Variants in SLC41A2 observed in about 807,000 individuals in gnomAD.
SLC41A2 encodes solute carrier family 41 member 2.
A neutral mutation model predicts 58.3 loss-of-function variants in SLC41A2; 32 were observed. The ratio of observed to expected loss-of-function variants is 0.55; its 90% CI spans 0.41 to 0.74. The LOEUF (loss-of-function observed/expected upper bound fraction) is 0.74. Ranked by LOEUF, SLC41A2 falls within the 30% of genes least tolerant of loss-of-function variation. The pLI is 0.00. For synonymous variants in SLC41A2, 190 were observed against 235.0 expected (o/e 0.81, Z 1.75); for missense variants, 514 against 680.6 (o/e 0.76, Z 2.72).
At chr12:104,832,235 C>A (rs961703933) in intron 10 of SLC41A2, among the ~76,000 whole-genome samples, 3 of 152,202 alleles carry the variant, frequency 2.0e-5, no homozygotes, top group Non-Finnish European at 2.9e-5. Flanking sequence ...GTCACACTCT[C>A]CTTTCCATTC....
At chr12:104,857,676 TA>T (rs2043066908) in intron 8 of SLC41A2, among the ~76,000 whole-genome samples, 1 of 151,568 alleles carries the variant, frequency 6.6e-6, no homozygotes. Context: ...TATGCAGCCA[TA>T]AAAAAGGATG....
intron 6 of SLC41A2, among the ~76,000 whole-genome samples, chr12:104,870,499 A>G (rs1317694355): frequency 6.6e-6 from 1 of 152,258 alleles, no homozygotes. Context: ...ATGGCAATAG[A>G]TAACTAATAC....
intron 8 of SLC41A2, among the ~76,000 whole-genome samples, chr12:104,855,339 C>T (rs2042980806): frequency 6.6e-6 from 1 of 152,064 alleles, no homozygotes; most frequent in Non-Finnish European, 1.5e-5. Context: ...TTTGTAGTGC[C>T]CTCTGTGCTC....
At chr12:104,947,593 C>T (rs1015445371) in intron 1 of SLC41A2, among the ~76,000 whole-genome samples, 1 of 151,818 alleles carries the variant, frequency 6.6e-6, no homozygotes, top group African/African-American at 2.4e-5. Context: ...ATAACTTATC[C>T]TATTTTTCAT....
intron 10 of SLC41A2, among the ~76,000 whole-genome samples, chr12:104,819,928 G>A (rs2041560886): frequency 6.6e-6 from 1 of 152,200 alleles, no homozygotes; most frequent in South Asian, 2.1e-4. Context: ...CCAGTTAACA[G>A]CCTCAAGGTC....
At chr12:104,818,990 A>G (rs1426491666) in intron 10 of SLC41A2, among the ~76,000 whole-genome samples, 1 of 152,226 alleles carries the variant, frequency 6.6e-6, no homozygotes, top group African/African-American at 2.4e-5. Flanking sequence ...TAAAATCTGA[A>G]AAAACACAGA....
chr12:104,925,084 A>G (rs886934750), intron 2 of SLC41A2, among the ~76,000 whole-genome samples: 13 of 151,634 alleles, frequency 8.6e-5, no homozygotes, highest in Non-Finnish European at 1.6e-4. Flanking sequence ...CAATTGGAAG[A>G]AGGCACAAGG....
chr12:104,809,730 A>C (rs2041088964), intron 10 of SLC41A2, among the ~76,000 whole-genome samples: 1 of 152,152 alleles, frequency 6.6e-6, no homozygotes, highest in Non-Finnish European at 1.5e-5. Flanking sequence ...TATGGGGCCT[A>C]ATATCTGCCA....
chr12:104,815,123 A>ATTTATTCGTTT (rs1368497761), intron 10 of SLC41A2, among the ~76,000 whole-genome samples: 1 of 152,190 alleles, frequency 6.6e-6, no homozygotes, highest in Admixed American at 6.5e-5. Context: ...GCGGGTTTAA[A>ATTTATTCGTTT]TTTATTCGTT....
chr12:104,953,746 A>G (rs1239296871), intron 1 of SLC41A2, among the ~76,000 whole-genome samples: 1 of 152,200 alleles, frequency 6.6e-6, no homozygotes, highest in Admixed American at 6.5e-5. Flanking sequence ...TTATTTTAAT[A>G]GTATTTAAAT....
chr12:104,831,517 C>A (rs2042035344), intron 10 of SLC41A2, among the ~76,000 whole-genome samples: 1 of 152,194 alleles, frequency 6.6e-6, no homozygotes, highest in South Asian at 2.1e-4. Context: ...TTTTACTGCA[C>A]TGTTTCTAAG....
At chr12:104,956,954 G>T (rs1382466761) in intron 1 of SLC41A2, among the ~76,000 whole-genome samples, 13 of 152,192 alleles carry the variant, frequency 8.5e-5, no homozygotes, top group Non-Finnish European at 1.5e-5. Flanking sequence ...CTCATACACT[G>T]CTTAGTGGGA....
At chr12:104,911,976 GATA>G (rs923637918) in intron 2 of SLC41A2, among the ~76,000 whole-genome samples, 5 of 152,090 alleles carry the variant, frequency 3.3e-5, no homozygotes, top group Non-Finnish European at 7.4e-5. Flanking sequence ...ATGAATAACA[GATA>G]ATAATAATAA....
At position 104,897,653 on chromosome 12, in the gene SLC41A2, G is replaced by C. The variant is rs898721025; in HGVS notation, c.664-2308C>G. On this transcript the variant is annotated intron_variant, in intron 3 of 10. Transcript: ENST00000258538. ...GACATAAAATAAAAAATAAAATGTA[G>C]ACTATATTTATAAACAATAACTTTT... Among the ~76,000 whole-genome samples the C allele has an allele frequency of 5.9e-5, 9 of 152,096 alleles. 1 individual carries two copies. The highest frequency in any genetic ancestry group is 1.3e-4 in the Admixed American group (2 of 15,278).
At chr12:104,913,149 C>T (rs2135795868) in intron 2 of SLC41A2, among the ~76,000 whole-genome samples, 1 of 152,262 alleles carries the variant, frequency 6.6e-6, no homozygotes, top group South Asian at 2.1e-4. Flanking sequence ...GATCTCCTAT[C>T]TTGTGCCAAA....
chr12:104,945,143 C>T (rs528338025), intron 1 of SLC41A2, among the ~76,000 whole-genome samples: 8 of 148,182 alleles, frequency 5.4e-5, no homozygotes, highest in African/African-American at 2.0e-4. Flanking sequence ...GCACTCCAGC[C>T]TGGGCAACAG....
chr12:104,948,623 G>C (rs1343711768), intron 1 of SLC41A2, among the ~76,000 whole-genome samples: 1 of 152,156 alleles, frequency 6.6e-6, no homozygotes, highest in Non-Finnish European at 1.5e-5. Context: ...CACAGGACTT[G>C]AGTTCATGAC....
intron 6 of SLC41A2, among the ~76,000 whole-genome samples, chr12:104,871,244 C>A (rs996583936): frequency 2.0e-5 from 3 of 152,150 alleles, no homozygotes; most frequent in Non-Finnish European, 4.4e-5. Flanking sequence ...ATCATGTACA[C>A]ACAAGAATTA....
chr12:104,917,814 A>G (rs1350776819), intron 2 of SLC41A2, among the ~76,000 whole-genome samples: 1 of 37,752 alleles, frequency 2.6e-5, no homozygotes, highest in African/African-American at 1.1e-4. Flanking sequence ...CAATCTGGGG[A>G]ATGTTGTGGG....
Sources: gnomAD v4.1 joint callset for allele counts (sites outside exome capture counted in the v4.1 genomes callset) on GRCh38, gnomAD v4.1.1 for gene constraint, MANE v1.5 for transcripts, NCBI Gene and HGNC (gene_info 2026-07-23, HGNC 2026-07-21) for gene names.